ZNF609: variants seen among roughly 807,000 people sequenced by gnomAD.
The protein encoded by ZNF609 is zinc finger protein 609.
Under a neutral mutation model 109.5 loss-of-function variants are expected in ZNF609, and 11 were observed. The observed-to-expected ratio is 0.10, with a 90% CI of 0.06 to 0.17. The LOEUF (loss-of-function observed/expected upper bound fraction) is 0.17, where lower values mean the gene tolerates loss of function less well. ZNF609 is among the 10% of genes least tolerant of loss of function. The pLI is 1.00. For synonymous variants in ZNF609, 646 were observed against 662.0 expected (o/e 0.98, Z 0.37); for missense variants, 1,559 against 1,772.4 (o/e 0.88, Z 2.16).
intron 3 of ZNF609, among the ~76,000 whole-genome samples, chr15:64,666,987 G>A (rs766394200): frequency 6.6e-6 from 1 of 152,068 alleles, no homozygotes; most frequent in East Asian, 1.9e-4. Context: ...AAAATTAGCC[G>A]GGTGTGGTGA....
In ZNF609 at chr15:64,674,893, G is replaced by T. The variant is rs1285175644; in HGVS notation, c.2039G>T (p.Ser680Ile). 1 of 1,614,068 alleles carries T rather than the reference G, an allele frequency of 6.2e-7. No individual in the cohort carries two copies. Among genetic ancestry groups the T allele is most frequent in the Admixed American group, 1.7e-5 (1 of 60,010 alleles). The stretch of plus-strand genomic sequence containing the variant: ...CAGACAGCCACCTTCACAGCAGCGA[G>T]CCCAGGCTCTTCCTCAGGCTTGACC... ...TFQTATFTAA[S>I]PGSSSGLTAT... is the part of the protein sequence containing the mutation. Residue 680 changes from serine (S) to isoleucine (I), a missense_variant, in exon 5 of 10, where the codon AGC becomes ATC. Around this residue, in one of 4 missense-constraint regions of ZNF609, gnomAD observed 1,204 missense variants for 1,314.1 expected, o/e 0.92. Coordinates refer to ENST00000326648, the MANE Select transcript of ZNF609 (RefSeq NM_015042.2).
chr15:64,579,709 CAAA>C (rs34816803), intron 2 of ZNF609, among the ~76,000 whole-genome samples: 3 of 146,900 alleles, frequency 2.0e-5, no homozygotes, highest in Non-Finnish European at 4.5e-5. Context: ...AACAAACAAA[CAAA>C]AAAAAAAAAC....
At chr15:64,673,842 G>A (rs1896768941) in intron 4 of ZNF609, 74 bp from the exon 5 acceptor site, 1 of 1,492,768 alleles carries the variant, frequency 6.7e-7, no homozygotes, top group African/African-American at 1.4e-5. Flanking sequence ...GACAGTTCTG[G>A]AGGCTACAGC....
intron 2 of ZNF609, among the ~76,000 whole-genome samples, chr15:64,584,183 T>G (rs1895156938): frequency 6.6e-6 from 1 of 152,192 alleles, no homozygotes; most frequent in Non-Finnish European, 1.5e-5. Context: ...GGTTCCCTGC[T>G]GATCAGAACT....
intron 2 of ZNF609, among the ~76,000 whole-genome samples, chr15:64,518,158 G>T (rs1893840679): frequency 6.6e-6 from 1 of 152,180 alleles, no homozygotes; most frequent in Non-Finnish European, 1.5e-5. Flanking sequence ...TGATAACATA[G>T]GGTATTGTGG....
intron 2 of ZNF609, among the ~76,000 whole-genome samples, chr15:64,570,140 G>C (rs954971903): frequency 6.6e-6 from 1 of 152,120 alleles, no homozygotes; most frequent in Non-Finnish European, 1.5e-5. Context: ...GATTACAGGC[G>C]TGAGCCACTG....
chr15:64,553,269 T>TCA lies in ZNF609; in HGVS notation c.747+53103_747+53104insCA, dbSNP rs1184997802. ...TTTTAGATTCAGCTTGTCCATGCCT[T>TCA]AAAAAAAAAAAAAAAGCCTACTGGG... On this transcript the variant is annotated intron_variant, in intron 2 of 9. Coordinates refer to ENST00000326648, the MANE Select transcript of ZNF609 (RefSeq NM_015042.2). Among the ~76,000 whole-genome samples, 413 of 140,592 alleles carry TCA rather than the reference T, an allele frequency of 2.9e-3. 1 individual carries two copies. Among genetic ancestry groups the TCA allele is most frequent in the African/African-American group, 0.01 (396 of 39,400 alleles). The allele number at this position is 140,592 out of a possible 152,430, so 92.2% of individuals were successfully genotyped here. A position where few individuals can be genotyped will look rare whatever the true frequency, so the allele number is the denominator to read the frequency against.
At chr15:64,551,794 C>T (rs1001354244) in intron 2 of ZNF609, among the ~76,000 whole-genome samples, 5 of 149,654 alleles carry the variant, frequency 3.3e-5, no homozygotes, top group Non-Finnish European at 4.5e-5. Flanking sequence ...TTATATCGCA[C>T]GTTTTGTGGC....
chr15:64,662,859 G>T (rs1317441229), intron 3 of ZNF609, among the ~76,000 whole-genome samples: 1 of 151,248 alleles, frequency 6.6e-6, no homozygotes, highest in African/African-American at 2.4e-5. Flanking sequence ...TAAAGATGGG[G>T]TTTCACCATG....
chr15:64,553,440 T>A (rs1409780513), intron 2 of ZNF609, among the ~76,000 whole-genome samples: 2 of 151,994 alleles, frequency 1.3e-5, no homozygotes, highest in African/African-American at 4.8e-5. Flanking sequence ...GTTTTCAGTG[T>A]GTATATTTTA....
At chr15:64,622,488 G>A (rs1895891715) in intron 2 of ZNF609, among the ~76,000 whole-genome samples, 1 of 152,148 alleles carries the variant, frequency 6.6e-6, no homozygotes, top group African/African-American at 2.4e-5. Flanking sequence ...ATTGAAATCT[G>A]GCCCTGATTC....
intron 1 of ZNF609, among the ~76,000 whole-genome samples, chr15:64,480,543 C>A (rs1478329030): frequency 1.5e-4 from 22 of 149,682 alleles, no homozygotes; most frequent in Non-Finnish European, 2.4e-4. Flanking sequence ...AAAAAAAAAA[C>A]AAAAAAAGTG....
rs1335844251 is a variant in ZNF609 at position 64,577,296 on chromosome 15, AAT to A, written c.748-45525_748-45524del. Reference sequence around the variant, plus strand: ...ACATATATGTATATATATACACACAAATATATACATATATGTATATATATACA... The same window carrying A: ...ACATATATGTATATATATACACACAAATATACATATATGTATATATATACA... On this transcript the variant is annotated intron_variant, in intron 2 of 9. Transcript: ENST00000326648. Among the ~76,000 whole-genome samples the A allele has an allele frequency of 8.3e-3, 207 of 24,898 alleles. 53 individuals carry two copies. Among genetic ancestry groups the A allele is most frequent in the African/African-American group, 0.012 (202 of 17,016 alleles). The allele number at this position is 24,898 out of a possible 152,430, so 16.3% of individuals were successfully genotyped here. A position where few individuals can be genotyped will look rare whatever the true frequency, so the allele number is the denominator to read the frequency against.
chr15:64,465,049 G>A (rs1363664972), intron 1 of ZNF609, among the ~76,000 whole-genome samples: 1 of 152,014 alleles, frequency 6.6e-6, no homozygotes, highest in Non-Finnish European at 1.5e-5. Flanking sequence ...CCTAGACATG[G>A]CCCTACACGG....
At chr15:64,497,893 T>G (rs1205733553) in intron 1 of ZNF609, among the ~76,000 whole-genome samples, 1 of 108,444 alleles carries the variant, frequency 9.2e-6, no homozygotes, top group Non-Finnish European at 2.0e-5. Flanking sequence ...AGAACAAGGC[T>G]CTGACTCAAA....
chr15:64,509,248 A>G (rs1869944762), intron 2 of ZNF609, among the ~76,000 whole-genome samples: 1 of 152,220 alleles, frequency 6.6e-6, no homozygotes, highest in African/African-American at 2.4e-5. Flanking sequence ...TAGGACTTTC[A>G]GAGCAGAAGA....
At chr15:64,607,298 A>C (rs1463157713) in intron 2 of ZNF609, among the ~76,000 whole-genome samples, 1 of 152,126 alleles carries the variant, frequency 6.6e-6, no homozygotes, top group East Asian at 1.9e-4. Flanking sequence ...TATATACATT[A>C]TCTGTAAAAC....
chr15:64,475,564 T>C (rs1893158864), intron 1 of ZNF609, among the ~76,000 whole-genome samples: 1 of 151,768 alleles, frequency 6.6e-6, no homozygotes, highest in African/African-American at 2.4e-5. Context: ...AATTTTTGTA[T>C]TTTAGTAGAG....
intron 1 of ZNF609, among the ~76,000 whole-genome samples, chr15:64,494,715 G>A (rs568715345): frequency 1.2e-3 from 188 of 151,948 alleles, no homozygotes; most frequent in African/African-American, 4.2e-3. Flanking sequence ...TAGTACAGAC[G>A]GGGTTTCATC....
Sources: gnomAD v4.1 joint callset for allele counts (sites outside exome capture counted in the v4.1 genomes callset) on GRCh38, gnomAD v4.1.1 for gene constraint, gnomAD v4.1.1 regional missense constraint, MANE v1.5 for transcripts, NCBI Gene and HGNC (gene_info 2026-07-23, HGNC 2026-07-21) for gene names.